The following GBP2 variants were observed in gnomAD, a reference collection of about 807,000 sequenced individuals.
GBP2 encodes guanylate-binding protein 2.
A neutral mutation model predicts 60.8 loss-of-function variants in GBP2; 54 were observed. The ratio of observed to expected loss-of-function variants is 0.89; its 90% CI spans 0.71 to 1.11. The LOEUF (loss-of-function observed/expected upper bound fraction) is 1.11, where lower values mean the gene tolerates loss of function less well. GBP2 is among the 50% of genes most tolerant of loss of function. The pLI is 0.00. For missense variants in GBP2, 665 were observed against 703.3 expected, an observed-to-expected ratio of 0.95 and a Z score of 0.62; for synonymous variants, 243 against 256.5, an observed-to-expected ratio of 0.95 and a Z score of 0.50.
intron 10 of GBP2, among the ~76,000 whole-genome samples, chr1:89,109,114 T>A (rs537224073): frequency 6.6e-6 from 1 of 152,188 alleles, no homozygotes; most frequent in Non-Finnish European, 1.5e-5. Context: ...AGGCTGGTCT[T>A]GAACTCCCGA....
chr1:89,112,164 T>G (rs1351978719), intron 8 of GBP2, among the ~76,000 whole-genome samples: 1 of 152,164 alleles, frequency 6.6e-6, no homozygotes, highest in Non-Finnish European at 1.5e-5. Flanking sequence ...CTTTTTTTTT[T>G]AACTGCCGTA....
At chr1:89,121,328 T>G (rs1262924828) in intron 2 of GBP2, 58 bp from the exon 3 acceptor site, 1 of 1,445,470 alleles carries the variant, frequency 6.9e-7, no homozygotes, top group African/African-American at 1.4e-5. Flanking sequence ...TTCTGGAAAT[T>G]GAGATAAAAG....
At chr1:89,112,203 TAC>T (rs1355250778) in intron 8 of GBP2, among the ~76,000 whole-genome samples, 1 of 152,198 alleles carries the variant, frequency 6.6e-6, no homozygotes, top group East Asian at 1.9e-4. Flanking sequence ...GTTCCTGGTA[TAC>T]AGTTAGGTCA....
intron 9 of GBP2, 109 bp downstream of exon 9, chr1:89,110,055 A>G: frequency 1.0e-6 from 1 of 974,726 alleles, no homozygotes; most frequent in East Asian, 2.5e-5. Flanking sequence ...AGAACTATGA[A>G]TGATACTTGC....
Position 89,106,442 on chromosome 1 carries a change from T to G in GBP2, c.*1733A>C, listed in dbSNP as rs1681054461. Reference sequence around the variant, plus strand: ...AGTCCTATTAAGTCTTTCTTAAGTATCATTGTTAAAAACTAAGAATAACTT... The same window carrying G: ...AGTCCTATTAAGTCTTTCTTAAGTAGCATTGTTAAAAACTAAGAATAACTT... On this transcript the variant is annotated 3_prime_UTR_variant, in exon 11 of 11. Coordinates refer to ENST00000370466, the MANE Select transcript of GBP2 (RefSeq NM_004120.5). The G allele has an allele frequency of 6.6e-6, 1 of 152,200 alleles. No homozygotes were observed. The highest frequency in any genetic ancestry group is 1.5e-5 in the Non-Finnish European group (1 of 68,036). 9.4% of individuals were successfully genotyped at this position (152,200 alleles called of 1,614,324 possible). A position where few individuals can be genotyped will look rare whatever the true frequency, so the allele number is the denominator to read the frequency against.
chr1:89,121,702 T>C (rs889192093), intron 2 of GBP2, 75 bp downstream of exon 2: 20 of 1,461,212 alleles, frequency 1.4e-5, no homozygotes, highest in African/African-American at 5.6e-5. Flanking sequence ...TCTCTTTCTA[T>C]GCTCACATCC....
intron 8 of GBP2, among the ~76,000 whole-genome samples, chr1:89,112,116 T>C (rs1378609542): frequency 6.6e-6 from 1 of 152,250 alleles, no homozygotes; most frequent in African/African-American, 2.4e-5. Flanking sequence ...TAAGCTATCA[T>C]TTGCTAATTG....
rs192958330 is a variant in GBP2, at chr1:89,108,235, T to C, written c.1716A>G (p.Lys572=). 1.2e-6 allele frequency: 2 copies of C among 1,613,682 alleles called. No homozygotes were observed. Among genetic ancestry groups the C allele is most frequent in the Admixed American group, 3.3e-5 (2 of 60,000 alleles). ...TTCTCATCTGGATATCCCATATGTCTTTTTGAAGTCTCTTGCTCTCATTCT... is the reference window on the plus strand; with the variant it reads ...TTCTCATCTGGATATCCCATATGTCCTTTTGAAGTCTCTTGCTCTCATTCT... ...GFENESKRLQ[K]DIWDIQMRSK... The change falls in exon 11 of 11, where the codon AAA becomes AAG. Residue 572 remains lysine (K), a synonymous_variant. Transcript: ENST00000370466.
At chr1:89,118,730 G>A (rs1390774813) in intron 4 of GBP2, 1 of 152,138 alleles carries the variant, frequency 6.6e-6, no homozygotes, top group Non-Finnish European at 1.5e-5. Flanking sequence ...CTTTGATAGT[G>A]GAGCTGAAGG....
chr1:89,109,854 A>C lies in GBP2; in HGVS notation c.1482T>G (p.Ala494=). The change falls in exon 10 of 11, where the codon GCT becomes GCG. Residue 494 remains alanine, a synonymous_variant. Transcript: ENST00000370466. ...EKAIEVERIK[A]ESAEAAKKML... ...TTTTCTTTGCAGCTTCTGCAGATTC[A>C]GCCTTTATACGTTCCACTGTGGAAG... 1 of 1,613,524 alleles carries C rather than the reference A, an allele frequency of 6.2e-7. No individual in the cohort carries two copies. Among genetic ancestry groups the C allele is most frequent in the Non-Finnish European group, 8.5e-7 (1 of 1,179,896 alleles).
At chr1:89,119,322 G>C (rs1271116985) in intron 4 of GBP2, 1 of 152,116 alleles carries the variant, frequency 6.6e-6, no homozygotes, top group Non-Finnish European at 1.5e-5. Flanking sequence ...GGTGAGAACT[G>C]TGCATTACAT....
At chr1:89,122,061 A>C (rs1206634517) in intron 1 of GBP2, 78 bp from the exon 2 acceptor site, 4 of 1,083,156 alleles carry the variant, frequency 3.7e-6, no homozygotes, top group Admixed American at 2.8e-5. Flanking sequence ...ATATGGGTTA[A>C]ATTTTTGTTT....
At chr1:89,123,463 AT>A (rs1178382194) in intron 1 of GBP2, among the ~76,000 whole-genome samples, 1 of 152,150 alleles carries the variant, frequency 6.6e-6, no homozygotes. Flanking sequence ...TGTTTTTAAA[AT>A]CTTTTCTCTG....
intron 8 of GBP2, among the ~76,000 whole-genome samples, chr1:89,111,054 A>G (rs560616429): frequency 4.8e-4 from 73 of 152,326 alleles, no homozygotes; most frequent in Middle Eastern, 3.4e-3. Context: ...GACAAAAACC[A>G]TATGATCATT....
At chr1:89,112,956 A>G in intron 7 of GBP2, 3 of 447,402 alleles carry the variant, frequency 6.7e-6, no homozygotes, top group Non-Finnish European at 1.2e-5. Context: ...TTTCATACGA[A>G]ACTTTTATCT....
At chr1:89,113,581 T>TA (rs1220484062) in intron 7 of GBP2, among the ~76,000 whole-genome samples, 1 of 152,220 alleles carries the variant, frequency 6.6e-6, no homozygotes, top group East Asian at 1.9e-4. Flanking sequence ...CATTCTCTAA[T>TA]AAAATTTATA....
intron 6 of GBP2, among the ~76,000 whole-genome samples, chr1:89,115,201 T>G (rs141370523): frequency 2.6e-5 from 4 of 152,340 alleles, no homozygotes; most frequent in African/African-American, 9.6e-5. Flanking sequence ...ATTCCCTTCA[T>G]AAATCCATAT....
chr1:89,123,857 A>T (rs1351341418), intron 1 of GBP2, among the ~76,000 whole-genome samples: 1 of 152,224 alleles, frequency 6.6e-6, no homozygotes, highest in Non-Finnish European at 1.5e-5. Flanking sequence ...CTGCATTCCC[A>T]TTCCATCTGT....
chr1:89,111,400 GA>G, intron 8 of GBP2, among the ~76,000 whole-genome samples: 1 of 152,130 alleles, frequency 6.6e-6, no homozygotes, highest in East Asian at 1.9e-4. Context: ...CTTATATTTG[GA>G]AAAATCTAAA....
Sources: allele counts gnomAD v4.1 joint callset (sites outside exome capture counted in the v4.1 genomes callset), GRCh38; gene constraint gnomAD v4.1.1; transcripts MANE v1.5; gene names NCBI Gene and HGNC (gene_info 2026-07-23, HGNC 2026-07-21).